LHFPL3: variants seen among roughly 807,000 people sequenced by gnomAD.
LHFPL3 encodes the protein LHFPL tetraspan subfamily member 3.
Under a neutral mutation model 19.3 loss-of-function variants are expected in LHFPL3, and 5 were observed. That is an observed-to-expected ratio of 0.26 (90% CI 0.14 to 0.54). The LOEUF (loss-of-function observed/expected upper bound fraction) is 0.54. LHFPL3 is among the 20% of genes least tolerant of loss of function. LHFPL3 has a pLI of 0.94. For missense variants in LHFPL3, 249 were observed against 307.4 expected, an observed-to-expected ratio of 0.81 and a Z score of 1.42; for synonymous variants, 133 against 126.2, an observed-to-expected ratio of 1.05 and a Z score of -0.36.
At chr7:104,694,157 T>G (rs1234955108) in intron 1 of LHFPL3, among the ~76,000 whole-genome samples, 1 of 152,194 alleles carries the variant, frequency 6.6e-6, no homozygotes, top group African/African-American at 2.4e-5. Context: ...CTAACCAAAG[T>G]GGCATAGAAT....
intron 2 of LHFPL3, among the ~76,000 whole-genome samples, chr7:104,830,934 G>A (rs955542754): frequency 7.9e-5 from 12 of 151,740 alleles, no homozygotes; most frequent in African/African-American, 2.9e-4. Flanking sequence ...GGACAGTCCT[G>A]GTCGGTTTAC....
intron 1 of LHFPL3, among the ~76,000 whole-genome samples, chr7:104,476,793 AAAG>A (rs1176525112): frequency 2.0e-5 from 3 of 152,094 alleles, no homozygotes; most frequent in Non-Finnish European, 4.4e-5. Context: ...TAAATGAAAA[AAAG>A]AAATATTCTG....
intron 1 of LHFPL3, among the ~76,000 whole-genome samples, chr7:104,463,914 C>G (rs765414085): frequency 6.6e-6 from 1 of 152,212 alleles, no homozygotes; most frequent in South Asian, 2.1e-4. Context: ...TCATGCCCTT[C>G]CAACAGTCCC....
intron 1 of LHFPL3, among the ~76,000 whole-genome samples, chr7:104,542,462 C>G (rs1477110): frequency 0.046 from 7,035 of 152,046 alleles, 203 homozygotes; most frequent in African/African-American, 0.079. Context: ...TCCAAAAGCC[C>G]GAGACCTTGT....
At chr7:104,647,968 G>A (rs180735584) in intron 1 of LHFPL3, among the ~76,000 whole-genome samples, 56 of 152,270 alleles carry the variant, frequency 3.7e-4, no homozygotes, top group African/African-American at 1.3e-3. Context: ...ACAGATAAAC[G>A]AGCTGACATG....
intron 2 of LHFPL3, among the ~76,000 whole-genome samples, chr7:104,856,715 G>GT (rs1407548666): frequency 6.6e-6 from 1 of 152,168 alleles, no homozygotes; most frequent in East Asian, 1.9e-4. Context: ...GAATGAAATT[G>GT]TATGTTTTTT....
At chr7:104,834,176 C>T (rs987459120) in intron 2 of LHFPL3, among the ~76,000 whole-genome samples, 4 of 151,412 alleles carry the variant, frequency 2.6e-5, no homozygotes, top group Non-Finnish European at 5.9e-5. Flanking sequence ...AGCCCACTGA[C>T]TCAAATGTTT....
chr7:104,899,985 G>A (rs1443889183), intron 2 of LHFPL3, among the ~76,000 whole-genome samples: 1 of 152,180 alleles, frequency 6.6e-6, no homozygotes, highest in Non-Finnish European at 1.5e-5. Flanking sequence ...GCCTGCCTTG[G>A]CCTCCCAAAG....
chr7:104,660,837 G>A (rs906628687), intron 1 of LHFPL3, among the ~76,000 whole-genome samples: 10 of 152,098 alleles, frequency 6.6e-5, no homozygotes, highest in African/African-American at 1.9e-4. Flanking sequence ...TTTTCTCAAG[G>A]TCACATACTC....
intron 1 of LHFPL3, among the ~76,000 whole-genome samples, chr7:104,434,537 A>T (rs1792064038): frequency 6.6e-6 from 1 of 152,234 alleles, no homozygotes; most frequent in African/African-American, 2.4e-5. Context: ...TTTCAACCAA[A>T]AAAAGTGAAC....
chr7:104,715,104 C>G (rs1388657995), intron 1 of LHFPL3, among the ~76,000 whole-genome samples: 2 of 151,970 alleles, frequency 1.3e-5, no homozygotes, highest in Non-Finnish European at 1.5e-5. Context: ...AAGTTCAAGA[C>G]CAGCCTGAGC....
intron 1 of LHFPL3, among the ~76,000 whole-genome samples, chr7:104,339,795 C>T (rs1789910560): frequency 6.6e-6 from 1 of 152,178 alleles, no homozygotes; most frequent in African/African-American, 2.4e-5. Context: ...TGATTCTTTT[C>T]CCCTAATGTG....
At chr7:104,352,948 A>G (rs7787976) in intron 1 of LHFPL3, among the ~76,000 whole-genome samples, 96,628 of 152,032 alleles carry the variant, frequency 0.64, 31,691 homozygotes, top group East Asian at 0.88. Flanking sequence ...GATTGAGTGA[A>G]TTTCCAAGTG....
intron 1 of LHFPL3, among the ~76,000 whole-genome samples, chr7:104,450,219 T>A (rs746947447): frequency 6.6e-6 from 1 of 152,162 alleles, no homozygotes; most frequent in Non-Finnish European, 1.5e-5. Context: ...GGAAAAACAT[T>A]GTTTTGCTTA....
At chr7:104,594,150 G>T (rs1054333250) in intron 1 of LHFPL3, among the ~76,000 whole-genome samples, 1 of 152,142 alleles carries the variant, frequency 6.6e-6, no homozygotes, top group African/African-American at 2.4e-5. Context: ...TTACAATTTG[G>T]CCTGTTCTTG....
chr7:104,671,577 A>AAAG (rs1484233964), intron 1 of LHFPL3, among the ~76,000 whole-genome samples: 1 of 150,448 alleles, frequency 6.6e-6, no homozygotes, highest in Non-Finnish European at 1.5e-5. Context: ...AGTTCAAAAA[A>AAAG]AAAAAAAAAG....
At chr7:104,382,328 A>G (rs1359440844) in intron 1 of LHFPL3, among the ~76,000 whole-genome samples, 1 of 152,236 alleles carries the variant, frequency 6.6e-6, no homozygotes, top group East Asian at 1.9e-4. Context: ...TCTCTATTAA[A>G]AAAAACAAAA....
chr7:104,822,888 A>G (rs887696522), intron 2 of LHFPL3, among the ~76,000 whole-genome samples: 2 of 152,176 alleles, frequency 1.3e-5, no homozygotes, highest in Non-Finnish European at 2.9e-5. Flanking sequence ...CTCTGTTTTC[A>G]CTGTTCACCC....
At chr7:104,802,933 G>T (rs1790284510) in intron 2 of LHFPL3, 1 of 152,228 alleles carries the variant, frequency 6.6e-6, no homozygotes, top group Non-Finnish European at 1.5e-5. Flanking sequence ...AAAATATGAT[G>T]CTCTCCAGCT....
Sources: gnomAD v4.1 joint callset for allele counts (sites outside exome capture counted in the v4.1 genomes callset) on GRCh38, gnomAD v4.1.1 for gene constraint, MANE v1.5 for transcripts, NCBI Gene and HGNC (gene_info 2026-07-23, HGNC 2026-07-21) for gene names.